Variants in DCLK2 observed in about 807,000 individuals in gnomAD.
DCLK2 encodes the protein serine/threonine-protein kinase DCLK2.
Under a neutral mutation model 78.4 loss-of-function variants are expected in DCLK2, and 31 were observed. The observed-to-expected ratio is 0.40, with a 90% CI of 0.30 to 0.53. The LOEUF (loss-of-function observed/expected upper bound fraction) is 0.53, where lower values mean the gene tolerates loss of function less well. Ranked by LOEUF, DCLK2 falls within the 20% of genes least tolerant of loss-of-function variation. The pLI is 0.61. For missense variants in DCLK2, 872 were observed against 973.7 expected, an observed-to-expected ratio of 0.90 and a Z score of 1.39; for synonymous variants, 407 against 374.9, an observed-to-expected ratio of 1.09 and a Z score of -0.99.
intron 5 of DCLK2, 107 bp downstream of exon 5, chr4:150,203,996 G>C: frequency 3.8e-6 from 4 of 1,055,190 alleles, no homozygotes; most frequent in Non-Finnish European, 5.4e-6. Context: ...AAATTAAAAA[G>C]ATTTTAGGAT....
At position 150,256,184 on chromosome 4, in the gene DCLK2, C is replaced by T. The variant is rs1261964779; in HGVS notation, c.2238C>T (p.Pro746=). The change falls in exon 16 of 16, where the codon CCC becomes CCT. Residue 746 remains proline, a synonymous_variant. Transcript: ENST00000296550. ...PAPTPPESPT[P]HPPPAAPGGE... The stretch of plus-strand genomic sequence containing the variant: ...CCACCCCTCCGGAATCTCCCACCCC[C>T]CACCCTCCTCCCGCTGCCCCGGGTG... The T allele has an allele frequency of 1.9e-6, 3 of 1,550,614 alleles. No homozygotes were observed. Among genetic ancestry groups the T allele is most frequent in the Non-Finnish European group, 2.6e-6 (3 of 1,148,886 alleles).
At chr4:150,177,189 C>G (rs898505053) in intron 2 of DCLK2, among the ~76,000 whole-genome samples, 2 of 152,094 alleles carry the variant, frequency 1.3e-5, no homozygotes, top group Non-Finnish European at 2.9e-5. Flanking sequence ...TAAAGGAACT[C>G]TTTCTATGAA....
intron 1 of DCLK2, among the ~76,000 whole-genome samples, chr4:150,089,602 G>A (rs1003534752): frequency 6.6e-6 from 1 of 152,174 alleles, no homozygotes; most frequent in African/African-American, 2.4e-5. Context: ...CCAAATTGCA[G>A]AAGCCAAGTA....
chr4:150,204,491 A>G (rs965726623), intron 5 of DCLK2, among the ~76,000 whole-genome samples: 15 of 152,324 alleles, frequency 9.8e-5, no homozygotes, highest in African/African-American at 3.6e-4. Flanking sequence ...AGCAAAACCA[A>G]TTTTGCAAAA....
chr4:150,182,398 A>G (rs1737598355), intron 2 of DCLK2, among the ~76,000 whole-genome samples: 1 of 152,174 alleles, frequency 6.6e-6, no homozygotes, highest in African/African-American at 2.4e-5. Context: ...ACTGTTTAAG[A>G]AAAATGGAGT....
At chr4:150,135,766 G>A (rs1023054471) in intron 2 of DCLK2, among the ~76,000 whole-genome samples, 1 of 152,186 alleles carries the variant, frequency 6.6e-6, no homozygotes, top group African/African-American at 2.4e-5. Flanking sequence ...CAGATAATAG[G>A]TAAGTAAACT....
At chr4:150,104,066 T>C (rs896458816) in intron 2 of DCLK2, among the ~76,000 whole-genome samples, 2 of 151,658 alleles carry the variant, frequency 1.3e-5, no homozygotes, top group Non-Finnish European at 2.9e-5. Context: ...AAGACACATA[T>C]AGAGACAAAA....
intron 3 of DCLK2, among the ~76,000 whole-genome samples, chr4:150,196,103 A>C (rs1478668096): frequency 6.6e-6 from 1 of 152,112 alleles, no homozygotes; most frequent in Non-Finnish European, 1.5e-5. Context: ...TGTAATCTTA[A>C]TGAGGTCCCA....
chr4:150,170,658 A>G (rs1004619595), intron 2 of DCLK2, among the ~76,000 whole-genome samples: 1 of 152,214 alleles, frequency 6.6e-6, no homozygotes, highest in African/African-American at 2.4e-5. Context: ...ACTTGGTCTG[A>G]TATCTTCCTT....
intron 2 of DCLK2, among the ~76,000 whole-genome samples, chr4:150,153,808 T>G (rs971938810): frequency 6.6e-6 from 1 of 152,124 alleles, no homozygotes; most frequent in African/African-American, 2.4e-5. Flanking sequence ...AGGTGCTTAT[T>G]GGCCTATGCT....
rs141604126 is a variant in DCLK2, at chr4:150,125,114, A to C, written c.756+22302A>C. On this transcript the variant is annotated intron_variant, in intron 2 of 15. Coordinates refer to ENST00000296550, the MANE Select transcript of DCLK2 (RefSeq NM_001040260.4). ...CTATGCATGTTGTCATGTCGTTCTC[A>C]AGATCATCTTGTGGTAGGTATATGG... is the stretch of plus-strand genomic sequence containing the variant. 4.0e-3 allele frequency among the ~76,000 whole-genome samples: 616 copies of C among 152,298 alleles called. 4 individuals carry two copies. The highest frequency in any genetic ancestry group is 6.8e-3 in the Middle Eastern group (2 of 294).
intron 8 of DCLK2, among the ~76,000 whole-genome samples, chr4:150,230,466 G>A (rs1240598092): frequency 6.6e-6 from 1 of 152,148 alleles, no homozygotes; most frequent in Non-Finnish European, 1.5e-5. Context: ...GTAAAATGAG[G>A]AGCAGGAAGG....
At position 150,235,233 on chromosome 4, in the gene DCLK2, CCTCCTGTTTCTT is replaced by C. The variant is rs1444729715; in HGVS notation, c.1566+2409_1566+2420del. Among the ~76,000 whole-genome samples, 3 of 152,328 alleles carry C rather than the reference CCTCCTGTTTCTT, an allele frequency of 2.0e-5. No homozygotes were observed. In the East Asian group the frequency reaches 5.8e-4, roughly 29 times the overall value. On this transcript the variant is annotated intron_variant, in intron 10 of 15. Coordinates refer to ENST00000296550, the MANE Select transcript of DCLK2 (RefSeq NM_001040260.4). ...TCCCAGCTCACAGATCTCACTCTCACCTCCTGTTTCTTCTCTTTTCCACTCAGAGTTTCTTAA... is the reference window on the plus strand; with the variant it reads ...TCCCAGCTCACAGATCTCACTCTCACCTCTTTTCCACTCAGAGTTTCTTAA...
chr4:150,112,772 G>C (rs888842662), intron 2 of DCLK2, among the ~76,000 whole-genome samples: 4 of 151,572 alleles, frequency 2.6e-5, no homozygotes, highest in African/African-American at 9.7e-5. Flanking sequence ...TGCATGCCTG[G>C]GGATGAAACC....
chr4:150,235,225 C>T (rs1425504121), intron 10 of DCLK2, among the ~76,000 whole-genome samples: 1 of 152,192 alleles, frequency 6.6e-6, no homozygotes, highest in Admixed American at 6.5e-5. Context: ...TCACAGATCT[C>T]ACTCTCACCT....
At chr4:150,240,635 A>T (rs1389710729) in intron 12 of DCLK2, among the ~76,000 whole-genome samples, 159 bp downstream of exon 12, 2 of 151,556 alleles carry the variant, frequency 1.3e-5, no homozygotes, top group East Asian at 3.9e-4. Context: ...GCATTGGAAG[A>T]TATACCTAAT....
chr4:150,248,567 C>T (rs1049160886), intron 14 of DCLK2, among the ~76,000 whole-genome samples, 182 bp downstream of exon 14: 1 of 152,194 alleles, frequency 6.6e-6, no homozygotes, highest in Non-Finnish European at 1.5e-5. Context: ...GCACTAGGGT[C>T]CCAGTCTTAG....
chr4:150,133,688 GAGAA>G (rs1733489025), intron 2 of DCLK2, among the ~76,000 whole-genome samples: 1 of 152,202 alleles, frequency 6.6e-6, no homozygotes, highest in Non-Finnish European at 1.5e-5. Flanking sequence ...TCTCTGATAA[GAGAA>G]TGTGAACAAG....
chr4:150,252,069 T>C lies in DCLK2; in HGVS notation c.2073+2385T>C, dbSNP rs538257250. 1.2e-4 allele frequency among the ~76,000 whole-genome samples: 19 copies of C among 152,324 alleles called. 1 individual carries two copies. Among genetic ancestry groups the C allele is most frequent in the Non-Finnish European group, 7.3e-5 (5 of 68,036 alleles). On this transcript the variant is annotated intron_variant, in intron 15 of 15. Coordinates refer to ENST00000296550, the MANE Select transcript of DCLK2 (RefSeq NM_001040260.4). The stretch of plus-strand genomic sequence containing the variant: ...TTGAGTTGTGGTTTCCCTTGAATTT[T>C]AGCAGTGTTTTGCTGAAAGCCTGAG...
Sources: allele counts gnomAD v4.1 joint callset (sites outside exome capture counted in the v4.1 genomes callset), GRCh38; gene constraint gnomAD v4.1.1; transcripts MANE v1.5; gene names NCBI Gene and HGNC (gene_info 2026-07-23, HGNC 2026-07-21).